ANKRD28: variants seen among roughly 807,000 people sequenced by gnomAD.
ANKRD28 encodes the protein ankyrin repeat domain 28.
ANKRD28 carries 44 observed loss-of-function variants against 126.5 expected under a neutral mutation model. That is an observed-to-expected ratio of 0.35 (90% CI 0.27 to 0.45). The LOEUF is 0.45. Ranked by LOEUF, ANKRD28 falls within the 20% of genes least tolerant of loss-of-function variation. The pLI, the probability that ANKRD28 is intolerant of heterozygous loss-of-function variation, is 1.00. For synonymous variants in ANKRD28, 442 were observed against 468.5 expected (o/e 0.94, Z 0.73); for missense variants, 1,110 against 1,316.6 (o/e 0.84, Z 2.43).
intron 1 of ANKRD28, among the ~76,000 whole-genome samples, chr3:15,848,839 G>C (rs1287748449): frequency 6.6e-6 from 1 of 152,086 alleles, no homozygotes; most frequent in Non-Finnish European, 1.5e-5. Flanking sequence ...CACTTCTACT[G>C]AACACCGTAC....
rs1473778349 is a variant in ANKRD28, at chr3:15,815,608, ATTG to A, written c.28-20305_28-20303del. 4.6e-5 allele frequency among the ~76,000 whole-genome samples: 7 copies of A among 152,100 alleles called. No homozygotes were observed. Among genetic ancestry groups the A allele is most frequent in the African/African-American group, 1.7e-4 (7 of 41,420 alleles). On this transcript the variant is annotated intron_variant, in intron 1 of 27. Coordinates refer to the ANKRD28 transcript ENST00000399451. The surrounding 1 kb of genome is among the most constrained non-coding windows in gnomAD (Gnocchi z 4.1). ...CCACTGCACCACCCACACACTTCTT[ATTG>A]TTCTGAAAGAATCGTCATCAATGCT...
chr3:15,676,061 C>T (rs748226260), intron 26 of ANKRD28, 72 bp from the exon 27 acceptor site: 27 of 1,290,568 alleles, frequency 2.1e-5, no homozygotes, highest in Non-Finnish European at 2.9e-5. Flanking sequence ...ACCTGGCTGT[C>T]AAAGAGCATT....
chr3:15,680,273 T>G (rs1575113041), intron 21 of ANKRD28, among the ~76,000 whole-genome samples: 1 of 152,112 alleles, frequency 6.6e-6, no homozygotes, highest in Non-Finnish European at 1.5e-5. Context: ...GGCGCGATCT[T>G]GGCTCACTGC....
chr3:15,820,733 CAA>C (rs2060926098), intron 1 of ANKRD28, among the ~76,000 whole-genome samples: 1 of 152,020 alleles, frequency 6.6e-6, no homozygotes, highest in Non-Finnish European at 1.5e-5. Context: ...TTCCGCATGA[CAA>C]AGTTTAATAA....
Position 15,814,424 on chromosome 3 carries a change from C to A in ANKRD28, c.28-19118G>T. 5.0e-6 allele frequency: 2 copies of A among 400,144 alleles called. No homozygotes were observed. Among genetic ancestry groups the A allele is most frequent in the South Asian group, 7.4e-5 (2 of 27,196 alleles). 24.8% of individuals were successfully genotyped at this position (400,144 alleles called of 1,614,324 possible). A position where few individuals can be genotyped will look rare whatever the true frequency, so the allele number is the denominator to read the frequency against. ...AAACATTGAATTATTGGATAATATT[C>A]AAAAACTTACTTTGGATTTTATTAA... On this transcript the variant is annotated intron_variant, in intron 1 of 27. Coordinates refer to the ANKRD28 transcript ENST00000399451. This position sits in a 1 kb window ranked among gnomAD's most constrained non-coding sequence, Gnocchi z 4.7.
intron 21 of ANKRD28, chr3:15,684,146 T>C (rs1405306201): frequency 1.3e-5 from 2 of 152,242 alleles, no homozygotes; most frequent in Non-Finnish European, 2.9e-5. Flanking sequence ...ATGCTTGCAC[T>C]GTATATAATG....
rs558054318 is a variant in ANKRD28 at position 15,822,712 on chromosome 3, G to C, written c.28-27406C>G. Among the ~76,000 whole-genome samples the C allele has an allele frequency of 2.1e-3, 310 of 150,442 alleles. 4 individuals carry two copies. Among genetic ancestry groups the C allele is most frequent in the Non-Finnish European group, 7.7e-4 (52 of 67,678 alleles). On this transcript the variant is annotated intron_variant, in intron 1 of 27. Transcript: ENST00000399451. ...AAAAAACCCTGGACAATGAACTAAA[G>C]GGAACCAGAATGTCATCTCACCAAT...
intron 1 of ANKRD28, among the ~76,000 whole-genome samples, chr3:15,819,234 T>A (rs1358668789): frequency 6.6e-6 from 1 of 152,156 alleles, no homozygotes; most frequent in Non-Finnish European, 1.5e-5. Context: ...GCTGAGAGCA[T>A]GTCACTGCAC....
rs2060726349 is a variant in ANKRD28 at position 15,812,130 on chromosome 3, G to A, written c.28-16824C>T. On this transcript the variant is annotated intron_variant, in intron 1 of 27. Coordinates refer to the ANKRD28 transcript ENST00000399451. The surrounding 1 kb of genome is among the most constrained non-coding windows in gnomAD (Gnocchi z 4.1). ...ATTGAGGCACTGCACTCCAGCCTGG[G>A]CAACAGAGTGAGACTCTGGCAAACA... Among the ~76,000 whole-genome samples the A allele has an allele frequency of 6.6e-6, 1 of 151,640 alleles. No homozygotes were observed. The highest frequency in any genetic ancestry group is 1.5e-5 in the Non-Finnish European group (1 of 67,980).
intron 14 of ANKRD28, among the ~76,000 whole-genome samples, chr3:15,703,734 T>C (rs184733538): frequency 1.1e-3 from 173 of 152,260 alleles, no homozygotes; most frequent in African/African-American, 3.9e-3. Context: ...CTGAAACAAA[T>C]ATCTAAAATG....
rs1216836658 is a variant in ANKRD28 at position 15,853,739 on chromosome 3, G to T, written c.27+5638C>A. On this transcript the variant is annotated intron_variant, in intron 1 of 27. Transcript: ENST00000399451. The surrounding 1 kb of genome is among the most constrained non-coding windows in gnomAD (Gnocchi z 4.2). ...CCGCCTCGGTCTCCCAAAGTGCTGG[G>T]ATTACAGGCATGAGCCACCGCGCCC... Among the ~76,000 whole-genome samples, 1 of 152,104 alleles carries T rather than the reference G, an allele frequency of 6.6e-6. No individual in the cohort carries two copies. The highest frequency in any genetic ancestry group is 1.5e-5 in the Non-Finnish European group (1 of 68,020).
intron 1 of ANKRD28, among the ~76,000 whole-genome samples, chr3:15,805,004 CA>C (rs2060545958): frequency 6.9e-6 from 1 of 145,456 alleles, no homozygotes; most frequent in African/African-American, 2.6e-5. Context: ...CTCCTCCCAA[CA>C]CACATGTACT....
intron 1 of ANKRD28, among the ~76,000 whole-genome samples, chr3:15,811,877 G>A (rs2060719757): frequency 6.6e-6 from 1 of 152,018 alleles, no homozygotes; most frequent in Non-Finnish European, 1.5e-5. Flanking sequence ...TTCTAAGCCA[G>A]GCACAGTGGC....
chr3:15,790,765 C>T (rs1405789675), intron 2 of ANKRD28, among the ~76,000 whole-genome samples: 2 of 152,042 alleles, frequency 1.3e-5, no homozygotes, highest in African/African-American at 4.8e-5. Flanking sequence ...TGTTATTTAA[C>T]ATAGTACTGG....
chr3:15,759,398 G>A (rs1175112910), intron 3 of ANKRD28, among the ~76,000 whole-genome samples: 1 of 152,128 alleles, frequency 6.6e-6, no homozygotes, highest in Non-Finnish European at 1.5e-5. Flanking sequence ...TAAGCTCACT[G>A]TTTGCTATTA....
chr3:15,824,944 A>T (rs1243025935), intron 1 of ANKRD28, among the ~76,000 whole-genome samples: 1 of 152,252 alleles, frequency 6.6e-6, no homozygotes, highest in Non-Finnish European at 1.5e-5. Flanking sequence ...TTCAATGCAC[A>T]TCCCACTGAA....
At position 15,766,308 on chromosome 3, in the gene ANKRD28, T is replaced by C; in HGVS notation, c.206A>G (p.Asn69Ser). ...FKKEDVNFQD[N>S]EKRTPLHAAA... ...GGCGTGCAATGGGGTTCGCTTTTCA[T>C]TGTCCTGTGATAATAAGGAAAGGTG... The change falls in exon 3 of 28, where the codon AAT (asparagine) becomes AGT (serine). Residue 69 changes from asparagine to serine, a missense_variant. By Grantham distance (46) the Asn-to-Ser change is conservative. Transcript: ENST00000683139. The C allele has an allele frequency of 6.2e-7, 1 of 1,610,622 alleles. No homozygotes were observed. Among genetic ancestry groups the C allele is most frequent in the South Asian group, 1.1e-5 (1 of 90,382 alleles).
At chr3:15,677,394 A>T in intron 25 of ANKRD28, 86 bp downstream of exon 25, 4 of 945,630 alleles carry the variant, frequency 4.2e-6, no homozygotes, top group Non-Finnish European at 5.0e-6. Flanking sequence ...TTTGGTCCTG[A>T]GTTGTTCATT....
At chr3:15,757,026 T>C (rs2058198399) in intron 3 of ANKRD28, among the ~76,000 whole-genome samples, 1 of 152,182 alleles carries the variant, frequency 6.6e-6, no homozygotes, top group South Asian at 2.1e-4. Flanking sequence ...CAGCAAGCCC[T>C]CCACTTCCTC....
Sources: allele counts gnomAD v4.1 joint callset (sites outside exome capture counted in the v4.1 genomes callset), GRCh38; gene constraint gnomAD v4.1.1; non-coding constraint Gnocchi (gnomAD v3.1); transcripts MANE v1.5; gene names NCBI Gene and HGNC (gene_info 2026-07-23, HGNC 2026-07-21).